RBFOX2: variants seen among roughly 807,000 people sequenced by gnomAD.
The protein encoded by RBFOX2 is RNA binding fox-1 homolog 2, also known as RNA binding protein fox-1 homolog 2.
RBFOX2 carries 10 observed loss-of-function variants against 49.1 expected under a neutral mutation model. The ratio of observed to expected loss-of-function variants is 0.20; its 90% CI spans 0.13 to 0.35. The LOEUF is 0.35. Among genes scored for constraint, RBFOX2 ranks in the 10% least tolerant of loss-of-function variants. The pLI is 1.00. For synonymous variants in RBFOX2, 183 were observed against 187.4 expected, an observed-to-expected ratio of 0.98 and a Z score of 0.19; for missense variants, 323 against 486.9, an observed-to-expected ratio of 0.66 and a Z score of 3.17.
intron 1 of RBFOX2, among the ~76,000 whole-genome samples, chr22:35,974,673 C>T (rs1291975511): frequency 4.6e-5 from 7 of 152,034 alleles, no homozygotes; most frequent in African/African-American, 1.2e-4. Flanking sequence ...GGTGACAGAG[C>T]GAGACTCCGT....
chr22:35,788,912 T>C (rs917541887), intron 2 of RBFOX2, among the ~76,000 whole-genome samples: 1 of 152,232 alleles, frequency 6.6e-6, no homozygotes, highest in African/African-American at 2.4e-5. Context: ...TTCGGGAAGC[T>C]GTATTATTGG....
At chr22:35,910,987 A>C (rs1475523068) in intron 1 of RBFOX2, among the ~76,000 whole-genome samples, 23 of 152,208 alleles carry the variant, frequency 1.5e-4, no homozygotes, top group Non-Finnish European at 3.4e-4. Context: ...TATTTTTAGT[A>C]AATATAATAG....
intron 2 of RBFOX2, 114 bp downstream of exon 3, chr22:35,809,666 G>T: frequency 1.8e-6 from 2 of 1,134,656 alleles, no homozygotes; most frequent in East Asian, 2.3e-5. Flanking sequence ...GTGTAAATGA[G>T]AACAGGTGTA....
At chr22:35,783,386 A>G (rs888191325) in intron 2 of RBFOX2, among the ~76,000 whole-genome samples, 1 of 152,198 alleles carries the variant, frequency 6.6e-6, no homozygotes, top group Admixed American at 6.5e-5. Flanking sequence ...TGCCACACTC[A>G]AGTTTTAAGT....
chr22:35,813,421 A>T (rs986219762), intron 1 of RBFOX2, among the ~76,000 whole-genome samples: 14 of 152,234 alleles, frequency 9.2e-5, no homozygotes, highest in Non-Finnish European at 1.8e-4. Context: ...CTATTACCAG[A>T]GGCTAAGCTG....
At chr22:35,890,582 G>A (rs1363713859) in intron 1 of RBFOX2, among the ~76,000 whole-genome samples, 1 of 152,088 alleles carries the variant, frequency 6.6e-6, no homozygotes, top group South Asian at 2.1e-4. Flanking sequence ...CTGATAAACT[G>A]GAAACCACTG....
chr22:35,952,525 G>A (rs1291964451), intron 1 of RBFOX2, among the ~76,000 whole-genome samples: 1 of 152,106 alleles, frequency 6.6e-6, no homozygotes, highest in Non-Finnish European at 1.5e-5. Context: ...TTCTTAGTCT[G>A]TTCACTACTT....
intron 1 of RBFOX2, among the ~76,000 whole-genome samples, chr22:35,909,195 T>A (rs2049480722): frequency 6.6e-6 from 1 of 152,296 alleles, no homozygotes; most frequent in African/African-American, 2.4e-5. Context: ...CAGTGGCTCA[T>A]GCTTCTTGTT....
chr22:35,766,483 C>G (rs1312097675), intron 5 of RBFOX2, among the ~76,000 whole-genome samples: 2 of 151,372 alleles, frequency 1.3e-5, no homozygotes, highest in South Asian at 4.1e-4. Context: ...AGAATTAGAA[C>G]TAAAAAAAAA....
chr22:35,888,195 A>G (rs145221449), intron 1 of RBFOX2, among the ~76,000 whole-genome samples: 51 of 152,322 alleles, frequency 3.3e-4, no homozygotes, highest in African/African-American at 1.2e-3. Context: ...CACCACATAC[A>G]TCAAATTTAT....
chr22:35,914,187 G>A (rs537349816), intron 1 of RBFOX2, among the ~76,000 whole-genome samples: 1 of 152,256 alleles, frequency 6.6e-6, no homozygotes, highest in South Asian at 2.1e-4. Context: ...TGGGCAAGCT[G>A]GACAGCCTCT....
intron 1 of RBFOX2, among the ~76,000 whole-genome samples, chr22:35,955,699 A>G (rs2055469107): frequency 6.6e-6 from 1 of 152,126 alleles, no homozygotes; most frequent in Non-Finnish European, 1.5e-5. Flanking sequence ...CTGATCTGAT[A>G]GGATGTGGTG....
chr22:35,836,723 C>T (rs1376819696), intron 1 of RBFOX2, among the ~76,000 whole-genome samples: 1 of 152,220 alleles, frequency 6.6e-6, no homozygotes, highest in African/African-American at 2.4e-5. Flanking sequence ...AATTTTCTTT[C>T]ACATCCATAC....
At chr22:35,809,293 A>G (rs922894600) in intron 2 of RBFOX2, among the ~76,000 whole-genome samples, 1 of 152,186 alleles carries the variant, frequency 6.6e-6, no homozygotes, top group African/African-American at 2.4e-5. Flanking sequence ...ATTGAGATTC[A>G]AACACAAGCA....
At chr22:35,956,551 G>A (rs759315439) in intron 1 of RBFOX2, among the ~76,000 whole-genome samples, 6 of 151,946 alleles carry the variant, frequency 3.9e-5, no homozygotes, top group Middle Eastern at 3.4e-3. Context: ...TAGTAGAGAC[G>A]GGGTTTCACC....
intron 1 of RBFOX2, among the ~76,000 whole-genome samples, chr22:35,908,099 T>C (rs1373970878): frequency 6.6e-6 from 1 of 152,220 alleles, no homozygotes; most frequent in Non-Finnish European, 1.5e-5. Context: ...TCTGATCTAC[T>C]ATCCATAACT....
At chr22:35,871,985 G>A (rs2044410738) in intron 1 of RBFOX2, among the ~76,000 whole-genome samples, 2 of 152,178 alleles carry the variant, frequency 1.3e-5, no homozygotes, top group African/African-American at 2.4e-5. Flanking sequence ...AGCTGGGCAG[G>A]GCAAGGGTAG....
chr22:35,867,564 T>A (rs549758453), intron 1 of RBFOX2, among the ~76,000 whole-genome samples: 2 of 152,332 alleles, frequency 1.3e-5, no homozygotes, highest in South Asian at 2.1e-4. Flanking sequence ...ATAGCCTTTT[T>A]AATTTGTTAT....
chr22:35,922,169 T>C (rs2051100254), intron 1 of RBFOX2, among the ~76,000 whole-genome samples: 1 of 152,240 alleles, frequency 6.6e-6, no homozygotes, highest in Non-Finnish European at 1.5e-5. Context: ...AGCATAATGA[T>C]ATGTGAAATT....
Sources: gnomAD v4.1 joint callset for allele counts (sites outside exome capture counted in the v4.1 genomes callset) on GRCh38, gnomAD v4.1.1 for gene constraint, MANE v1.5 for transcripts, NCBI Gene and HGNC (gene_info 2026-07-23, HGNC 2026-07-21) for gene names.